The following CHCHD3 variants were observed in gnomAD, a reference collection of about 807,000 sequenced individuals.
CHCHD3 encodes coiled-coil-helix-coiled-coil-helix domain containing 3.
A neutral mutation model predicts 38.2 loss-of-function variants in CHCHD3; 20 were observed. The observed-to-expected ratio is 0.52, with a 90% CI of 0.37 to 0.76. The LOEUF (loss-of-function observed/expected upper bound fraction) is 0.76. Ranked by LOEUF, CHCHD3 falls within the 30% of genes least tolerant of loss-of-function variation. The pLI is 0.00. For missense variants in CHCHD3, 245 were observed against 279.2 expected (o/e 0.88, Z 0.87); for synonymous variants, 82 against 100.0 (o/e 0.82, Z 1.07).
intron 4 of CHCHD3, among the ~76,000 whole-genome samples, chr7:132,940,520 C>A (rs1038318917): frequency 6.6e-6 from 1 of 152,156 alleles, no homozygotes; most frequent in Non-Finnish European, 1.5e-5. Flanking sequence ...AGTGGTGGAG[C>A]GGTTCAGGGG....
chr7:133,067,335 A>G (rs1434579957), intron 2 of CHCHD3, among the ~76,000 whole-genome samples: 27 of 152,258 alleles, frequency 1.8e-4, no homozygotes, highest in Non-Finnish European at 1.5e-5. Flanking sequence ...ATGTATCCAT[A>G]TATCATCATT....
At chr7:132,912,496 T>C (rs1321806487) in intron 4 of CHCHD3, among the ~76,000 whole-genome samples, 1 of 152,192 alleles carries the variant, frequency 6.6e-6, no homozygotes, top group East Asian at 1.9e-4. Context: ...CTACTAGCTA[T>C]GTGATATTGG....
intron 1 of CHCHD3, among the ~76,000 whole-genome samples, chr7:133,081,593 G>A (rs1000222864): frequency 2.0e-5 from 3 of 152,180 alleles, no homozygotes; most frequent in African/African-American, 7.2e-5. Context: ...GTTACGAGTA[G>A]ACTGTGAGCC....
At chr7:133,027,650 T>C (rs967445222) in intron 2 of CHCHD3, among the ~76,000 whole-genome samples, 4 of 152,182 alleles carry the variant, frequency 2.6e-5, no homozygotes, top group Non-Finnish European at 4.4e-5. Flanking sequence ...AACTGTATAC[T>C]ATGCTTCTGT....
At chr7:132,959,289 A>T (rs1811253986) in intron 4 of CHCHD3, among the ~76,000 whole-genome samples, 1 of 152,232 alleles carries the variant, frequency 6.6e-6, no homozygotes. Context: ...CCACAGCCAT[A>T]TATCAAACTG....
At chr7:132,886,917 T>A (rs1389424737) in intron 4 of CHCHD3, 3 of 1,111,760 alleles carry the variant, frequency 2.7e-6, no homozygotes, top group Non-Finnish European at 3.5e-6. Context: ...TACTCAACTA[T>A]CTGCTTAGTT....
chr7:132,793,150 C>G (rs901594610), intron 7 of CHCHD3, among the ~76,000 whole-genome samples: 2 of 152,140 alleles, frequency 1.3e-5, no homozygotes, highest in African/African-American at 4.8e-5. Flanking sequence ...CATAAGCATG[C>G]CTGTTCATAG....
At chr7:132,903,977 A>G (rs1232175699) in intron 4 of CHCHD3, among the ~76,000 whole-genome samples, 1 of 152,192 alleles carries the variant, frequency 6.6e-6, no homozygotes, top group African/African-American at 2.4e-5. Context: ...ACTTGAACAA[A>G]GGACAGGCAT....
intron 4 of CHCHD3, among the ~76,000 whole-genome samples, chr7:132,922,942 T>C (rs1810296410): frequency 6.6e-6 from 1 of 152,274 alleles, no homozygotes; most frequent in East Asian, 1.9e-4. Flanking sequence ...GTGCTGAGCA[T>C]TAAAACTTAC....
chr7:132,899,076 G>A (rs1430785779), intron 4 of CHCHD3, among the ~76,000 whole-genome samples: 1 of 152,234 alleles, frequency 6.6e-6, no homozygotes, highest in Non-Finnish European at 1.5e-5. Flanking sequence ...TGGGCTGAAG[G>A]GCTCCTCAAG....
chr7:132,885,852 T>C (rs1809193720), intron 4 of CHCHD3, 107 bp from the exon 5 acceptor site: 5 of 699,230 alleles, frequency 7.2e-6, no homozygotes, highest in Non-Finnish European at 1.1e-5. Flanking sequence ...CTGAAGATTT[T>C]TGCAATCTAT....
intron 2 of CHCHD3, among the ~76,000 whole-genome samples, chr7:133,055,313 A>C (rs956455638): frequency 2.1e-5 from 3 of 145,984 alleles, no homozygotes; most frequent in African/African-American, 7.5e-5. Flanking sequence ...AATTAGTTGA[A>C]TATATTATAT....
chr7:133,052,392 C>G (rs942330332), intron 2 of CHCHD3, among the ~76,000 whole-genome samples: 3 of 152,154 alleles, frequency 2.0e-5, no homozygotes. Flanking sequence ...AAACAAAAAA[C>G]CACCACCATC....
intron 4 of CHCHD3, among the ~76,000 whole-genome samples, chr7:132,925,701 T>C (rs984531307): frequency 3.6e-4 from 55 of 152,170 alleles, no homozygotes; most frequent in African/African-American, 1.1e-3. Context: ...AACACAAGTA[T>C]ATATCCCAGC....
At chr7:132,933,018 T>C (rs1211630595) in intron 4 of CHCHD3, among the ~76,000 whole-genome samples, 1 of 152,200 alleles carries the variant, frequency 6.6e-6, no homozygotes, top group Non-Finnish European at 1.5e-5. Context: ...GCCCAGAGTA[T>C]GAAGTTTTAA....
In CHCHD3 at chr7:133,051,365, C is replaced by T. The variant is rs948513159; in HGVS notation, c.169+18777G>A. ...ACACACACACCCTTCCAAACCAAAA[C>T]ACAGCTGCTCTGTTAAATTTAGACC... On this transcript the variant is annotated intron_variant, in intron 2 of 7. Transcript: ENST00000262570. Among the ~76,000 whole-genome samples, 8 of 152,298 alleles carry T rather than the reference C, an allele frequency of 5.3e-5. No individual in the cohort carries two copies. The East Asian group carries it at 1.5e-3, about 29-fold the overall frequency.
chr7:133,013,578 T>C (rs1265699730), intron 3 of CHCHD3, among the ~76,000 whole-genome samples: 3 of 152,202 alleles, frequency 2.0e-5, no homozygotes, highest in Admixed American at 6.5e-5. Context: ...AGTAGTAATA[T>C]TACTTTTCTT....
chr7:132,977,377 T>C (rs1385053255), intron 3 of CHCHD3, among the ~76,000 whole-genome samples: 3 of 152,186 alleles, frequency 2.0e-5, no homozygotes, highest in African/African-American at 7.2e-5. Context: ...CAGCCCTTAA[T>C]TACCAAAATA....
intron 4 of CHCHD3, among the ~76,000 whole-genome samples, chr7:132,890,362 G>A (rs992496225): frequency 6.6e-6 from 1 of 152,102 alleles, no homozygotes; most frequent in Non-Finnish European, 1.5e-5. Flanking sequence ...ATAACATACT[G>A]GGCTGATAGA....
Sources: allele counts gnomAD v4.1 joint callset (sites outside exome capture counted in the v4.1 genomes callset), GRCh38; gene constraint gnomAD v4.1.1; transcripts MANE v1.5; gene names NCBI Gene and HGNC (gene_info 2026-07-23, HGNC 2026-07-21).